The following DPH6 variants were observed in gnomAD, a reference collection of about 807,000 sequenced individuals.
The protein encoded by DPH6 is diphthamine biosynthesis 6, also known as diphthine--ammonia ligase.
Under a neutral mutation model 38.2 loss-of-function variants are expected in DPH6, and 33 were observed. The ratio of observed to expected loss-of-function variants is 0.86; its 90% confidence interval spans 0.65 to 1.15. DPH6 has a LOEUF of 1.15. DPH6 is among the 50% of genes most tolerant of loss of function. DPH6 has a pLI of 0.00. For missense variants in DPH6, 325 were observed against 320.0 expected, an observed-to-expected ratio of 1.02 and a Z score of -0.12; for synonymous variants, 108 against 103.0, an observed-to-expected ratio of 1.05 and a Z score of -0.30.
At chr15:35,220,810 T>C (rs1027889927) in intron 3 of DPH6, among the ~76,000 whole-genome samples, 1 of 152,116 alleles carries the variant, frequency 6.6e-6, no homozygotes, top group African/African-American at 2.4e-5. Context: ...AGGGGCAGTA[T>C]TGAAAAAAAA....
At chr15:35,289,637 G>GA (rs2051966742) in intron 3 of DPH6, among the ~76,000 whole-genome samples, 1 of 152,164 alleles carries the variant, frequency 6.6e-6, no homozygotes, top group Non-Finnish European at 1.5e-5. Flanking sequence ...GACATTTTCA[G>GA]AAAAAGAGGT....
chr15:35,180,218 AAATT>A, the DPH6 span, among the ~76,000 whole-genome samples: 861 of 152,316 alleles, frequency 5.7e-3, 5 homozygotes, highest in African/African-American at 0.019. Flanking sequence ...TTAAAAAAAT[AAATT>A]GATGTCAAAT....
chr15:35,289,392 T>C (rs538837192), intron 3 of DPH6, among the ~76,000 whole-genome samples: 22 of 152,352 alleles, frequency 1.4e-4, no homozygotes, highest in African/African-American at 5.1e-4. Flanking sequence ...ATGATTATGC[T>C]GTTAGTGGCC....
intron 3 of DPH6, among the ~76,000 whole-genome samples, chr15:35,235,417 A>C (rs1364658445): frequency 1.3e-5 from 2 of 152,252 alleles, no homozygotes; most frequent in African/African-American, 4.8e-5. Context: ...AGCTTAAGAC[A>C]GTCTCCTCAA....
intron 3 of DPH6, among the ~76,000 whole-genome samples, chr15:35,224,741 C>T (rs1176416256): frequency 6.6e-6 from 1 of 152,098 alleles, no homozygotes; most frequent in Non-Finnish European, 1.5e-5. Context: ...GTGGTATTGT[C>T]AGTGTTTTGA....
At chr15:35,271,940 T>C (rs2051824931) in intron 3 of DPH6, among the ~76,000 whole-genome samples, 4 of 152,168 alleles carry the variant, frequency 2.6e-5, no homozygotes, top group Admixed American at 2.6e-4. Context: ...CTATGTAACC[T>C]CAGACAAGTT....
the DPH6 span, among the ~76,000 whole-genome samples, chr15:35,175,035 G>T: frequency 6.6e-6 from 1 of 152,084 alleles, no homozygotes; most frequent in African/African-American, 2.4e-5. Context: ...TCAAAGCACT[G>T]TTGGCTGTTT....
intron 3 of DPH6, among the ~76,000 whole-genome samples, chr15:35,221,442 C>A (rs2051441484): frequency 6.6e-6 from 1 of 152,166 alleles, no homozygotes; most frequent in Non-Finnish European, 1.5e-5. Context: ...CAATTCTCAG[C>A]CTGGGTCTCA....
At position 35,379,438 on chromosome 15, in the gene DPH6, A is replaced by T. The variant is rs148928776; in HGVS notation, c.662+2384T>A. Among the ~76,000 whole-genome samples the T allele has an allele frequency of 2.7e-3, 417 of 152,322 alleles. 3 individuals carry two copies. Among genetic ancestry groups the T allele is most frequent in the African/African-American group, 9.8e-3 (408 of 41,572 alleles). On this transcript the variant is annotated intron_variant, in intron 7 of 8. Transcript: ENST00000256538. ...GTTATAAAATCTGTCCCCAAAATGA[A>T]TTCTAAATGATTGGATCCAGAATTA...
chr15:35,512,981 A>C (rs1282174891), intron 3 of DPH6, among the ~76,000 whole-genome samples: 2 of 152,094 alleles, frequency 1.3e-5, no homozygotes, highest in Non-Finnish European at 2.9e-5. Flanking sequence ...TTAGAGAATC[A>C]TTAAAAAAAT....
chr15:35,221,297 G>A (rs1333572878), intron 3 of DPH6, among the ~76,000 whole-genome samples: 1 of 152,160 alleles, frequency 6.6e-6, no homozygotes. Flanking sequence ...TAGTTCTGGG[G>A]TCTTAGGGGT....
chr15:35,242,621 A>G (rs1025422053), intron 3 of DPH6, among the ~76,000 whole-genome samples: 14 of 143,112 alleles, frequency 9.8e-5, no homozygotes, highest in Admixed American at 2.3e-4. Context: ...TGACAGACTA[A>G]TGGTCTATTA....
At chr15:35,284,309 T>C (rs1275163423) in intron 3 of DPH6, among the ~76,000 whole-genome samples, 2 of 152,176 alleles carry the variant, frequency 1.3e-5, no homozygotes, top group Admixed American at 1.3e-4. Context: ...AAATCATCCA[T>C]GAGGAATAAA....
the DPH6 span, among the ~76,000 whole-genome samples, chr15:35,194,401 G>GAGAGAGAGAGAGAGAGAGAGAGAGAT: frequency 6.7e-6 from 1 of 149,780 alleles, no homozygotes; most frequent in African/African-American, 2.4e-5. Context: ...GAGAGATAGA[G>GAGAGAGAGAGAGAGAGAGAGAGAGAT]AGAGAGAGAG....
At chr15:35,410,210 C>CT (rs2053347182) in intron 6 of DPH6, among the ~76,000 whole-genome samples, 1 of 151,684 alleles carries the variant, frequency 6.6e-6, no homozygotes, top group Non-Finnish European at 1.5e-5. Context: ...AATATAAATA[C>CT]TCCACATAGT....
intron 5 of DPH6, among the ~76,000 whole-genome samples, chr15:35,447,995 G>C (rs1566913353): frequency 1.3e-5 from 2 of 152,050 alleles, no homozygotes; most frequent in East Asian, 1.9e-4. Context: ...TTTTTCTAGT[G>C]ATCAATTTAG....
chr15:35,493,521 AG>A (rs2054510731), intron 3 of DPH6, among the ~76,000 whole-genome samples: 1 of 152,210 alleles, frequency 6.6e-6, no homozygotes, highest in Non-Finnish European at 1.5e-5. Context: ...GAGAAAGATG[AG>A]GAAGTAGAAT....
rs528521682 is a variant in DPH6, at chr15:35,354,631, C to A, written n.207+18890G>T. Among the ~76,000 whole-genome samples the A allele has an allele frequency of 2.0e-5, 3 of 152,206 alleles. No homozygotes were observed. The South Asian group carries it at 6.2e-4, about 32-fold the overall frequency. On this transcript the variant is annotated intron_variant and non_coding_transcript_variant, in intron 3 of 3. Coordinates refer to the DPH6 transcript ENST00000558973. The stretch of plus-strand genomic sequence containing the variant: ...TAGCCTTGCATCCCAGGGATGAAGC[C>A]CACTTGATCATGGTGGATAAGCTTT...
intron 3 of DPH6, among the ~76,000 whole-genome samples, chr15:35,483,250 G>C (rs769563486): frequency 6.6e-6 from 1 of 151,906 alleles, no homozygotes; most frequent in African/African-American, 2.4e-5. Flanking sequence ...TGGATCATGA[G>C]GTCAGGAGTT....
Sources: allele counts gnomAD v4.1 joint callset (sites outside exome capture counted in the v4.1 genomes callset), GRCh38; gene constraint gnomAD v4.1.1; transcripts MANE v1.5; gene names NCBI Gene and HGNC (gene_info 2026-07-23, HGNC 2026-07-21).